TKFC: variants seen among roughly 807,000 people sequenced by gnomAD.
TKFC encodes triokinase and FMN cyclase.
TKFC carries 46 observed loss-of-function variants against 61.0 expected under a neutral mutation model. The ratio of observed to expected loss-of-function variants is 0.75; its 90% CI spans 0.60 to 0.96. The LOEUF (loss-of-function observed/expected upper bound fraction) is 0.96, where lower values mean the gene tolerates loss of function less well. TKFC is among the 50% of genes least tolerant of loss of function. TKFC has a pLI of 0.00. For synonymous variants in TKFC, 314 were observed against 330.1 expected (o/e 0.95, Z 0.53); for missense variants, 715 against 777.5 (o/e 0.92, Z 0.96).
chr11:61,349,797 C>T (rs1590593632), downstream of TKFC: 15 of 622,472 alleles, frequency 2.4e-5, 1 homozygote, highest in South Asian at 2.5e-4. Context: ...CACCCCACCT[C>T]ACATCCAGAT....
At position 61,345,711 on chromosome 11, in the gene TKFC, G is replaced by A; in HGVS notation, c.1452-1G>A. On this transcript the variant is annotated splice_acceptor_variant, in intron 15 of 17. Coordinates refer to ENST00000394900, the MANE Select transcript of TKFC (RefSeq NM_015533.4). LOFTEE classifies it high-confidence loss of function. ...CCTCTTTCACTCTCTTTCCCTGCCA[G>A]GTATGGCAAGGCTGCTCCAGGGGAC... 1 of 1,614,254 alleles carries A rather than the reference G, an allele frequency of 6.2e-7. No homozygotes were observed. Among genetic ancestry groups the A allele is most frequent in the Non-Finnish European group, 8.5e-7 (1 of 1,180,046 alleles).
rs1482614156 is a variant in TKFC at position 61,345,699 on chromosome 11, C to T, written c.1452-13C>T. On this transcript the variant is annotated splice_polypyrimidine_tract_variant and intron_variant, in intron 15 of 17. Coordinates refer to ENST00000394900, the MANE Select transcript of TKFC (RefSeq NM_015533.4). ...CCCTATAGTGAGCCTCTTTCACTCT[C>T]TTTCCCTGCCAGGTATGGCAAGGCT... 28 of 1,614,250 alleles carry T rather than the reference C, an allele frequency of 1.7e-5. No individual in the cohort carries two copies. Among genetic ancestry groups the T allele is most frequent in the Non-Finnish European group, 1.9e-5 (23 of 1,180,040 alleles).
At chr11:61,344,432 C>T (rs370166019) in intron 13 of TKFC, among the ~76,000 whole-genome samples, 159 bp downstream of exon 13, 1 of 142,752 alleles carries the variant, frequency 7.0e-6, no homozygotes, top group Non-Finnish European at 1.5e-5. Context: ...GGTGTGATCT[C>T]GGCTCACTGC....
At chr11:61,343,707 G>C (rs983066064) in intron 11 of TKFC, 149 bp from the exon 12 acceptor site, 1 of 1,199,778 alleles carries the variant, frequency 8.3e-7, no homozygotes, top group Non-Finnish European at 1.2e-6. Context: ...GTATACAGTA[G>C]GCACTCAGTC....
At chr11:61,350,017 A>C, downstream of TKFC, 1 of 475,440 alleles carries the variant, frequency 2.1e-6, no homozygotes, top group Non-Finnish European at 3.8e-6. Context: ...AAGAGCGGCC[A>C]GAGCGAGGAG....
chr11:61,344,148 A>G lies in TKFC; in HGVS notation c.1115A>G (p.Lys372Arg), dbSNP rs1238529289. The change falls in exon 13 of 18, where the codon AAG (lysine) becomes AGG (arginine). Residue 372 changes from lysine to arginine, a missense_variant. Physicochemically the swap from Lys to Arg is conservative, Grantham distance 26. Coordinates refer to ENST00000394900, the MANE Select transcript of TKFC (RefSeq NM_015533.4). ...CCTCCCTTTCTAGGCTCAGCCTCGAAGCGGATGGCGCTGGTGCTGGAACGG... is the reference window on the plus strand; with the variant it reads ...CCTCCCTTTCTAGGCTCAGCCTCGAGGCGGATGGCGCTGGTGCTGGAACGG... ...DSTAAGGSAS[K>R]RMALVLERVC... The G allele has an allele frequency of 6.2e-7, 1 of 1,612,154 alleles. No homozygotes were observed. Among genetic ancestry groups the G allele is most frequent in the Non-Finnish European group, 8.5e-7 (1 of 1,180,002 alleles).
rs1256686739 is a variant in TKFC at position 61,341,423 on chromosome 11, T to C, written c.487-13T>C. 1.7e-5 allele frequency: 26 copies of C among 1,552,172 alleles called. No homozygotes were observed. The highest frequency in any genetic ancestry group is 2.2e-5 in the Non-Finnish European group (25 of 1,147,290). ...CCCTCCCCCCTGGGGCTTTTACCTCTTTGTGGCTGCAGGTGGCAGGTGCTC... is the reference window on the plus strand; with the variant it reads ...CCCTCCCCCCTGGGGCTTTTACCTCCTTGTGGCTGCAGGTGGCAGGTGCTC... On this transcript the variant is annotated splice_polypyrimidine_tract_variant and intron_variant, in intron 5 of 17. Coordinates refer to ENST00000394900, the MANE Select transcript of TKFC (RefSeq NM_015533.4).
chr11:61,344,381 A>G (rs1279495920), intron 13 of TKFC, 108 bp downstream of exon 13: 9 of 856,702 alleles, frequency 1.1e-5, no homozygotes, highest in Non-Finnish European at 1.5e-5. Context: ...TTTTTTTTTT[A>G]AGAAGGAATC....
chr11:61,342,705 G>A (rs1235593475), intron 9 of TKFC, 47 bp downstream of exon 9: 1 of 1,613,622 alleles, frequency 6.2e-7, no homozygotes, highest in South Asian at 1.1e-5. Flanking sequence ...TAAACCTCTG[G>A]GGAGGAGACG....
chr11:61,343,741 T>G, intron 11 of TKFC, 115 bp from the exon 12 acceptor site: 2 of 1,458,718 alleles, frequency 1.4e-6, no homozygotes, highest in Admixed American at 4.0e-5. Flanking sequence ...GTGGACTCCC[T>G]TCCTCCAGGG....
At chr11:61,339,599 A>T in intron 5 of TKFC, 164 bp downstream of exon 5, 2 of 772,922 alleles carry the variant, frequency 2.6e-6, no homozygotes, top group Non-Finnish European at 2.0e-6. Flanking sequence ...CAGCTACCTA[A>T]GCCCAGATAC....
chr11:61,350,411 A>C, downstream of TKFC: 9 of 1,611,430 alleles, frequency 5.6e-6, no homozygotes, highest in Non-Finnish European at 7.6e-6. Flanking sequence ...ACTCCCCATC[A>C]TGCAGCAGGG....
In TKFC at chr11:61,345,663, T is replaced by C. The variant is rs558998695; in HGVS notation, c.1452-49T>C. The C allele has an allele frequency of 2.5e-6, 4 of 1,614,048 alleles. No individual in the cohort carries two copies. In the East Asian group the frequency reaches 8.9e-5, roughly 36 times the overall value. Reference sequence around the variant, plus strand: ...GGCCCTAGCCCAACCCTCAGAGTGATTCCCTTGGTTCCCTATAGTGAGCCT... The same window carrying C: ...GGCCCTAGCCCAACCCTCAGAGTGACTCCCTTGGTTCCCTATAGTGAGCCT... On this transcript the variant is annotated intron_variant, in intron 15 of 17. Transcript: ENST00000394900.
downstream of TKFC, chr11:61,350,731 C>T (rs1857362469): frequency 1.5e-5 from 9 of 599,844 alleles, no homozygotes; most frequent in East Asian, 2.6e-4. Context: ...TAAGGCCACA[C>T]TTCACCCCAC....
Position 61,334,654 on chromosome 11 carries a change from G to C in TKFC, c.-75G>C, listed in dbSNP as rs1015950650. The C allele has an allele frequency of 3.7e-6, 6 of 1,607,694 alleles. No homozygotes were observed. In the African/African-American group the frequency reaches 8.0e-5, roughly 21 times the overall value. ...CTGCCTCCACTGTACTCAGACCCAG[G>C]TAGCACAGGATTGTCCATCCTCCAG... On this transcript the variant is annotated 5_prime_UTR_variant, in exon 2 of 18. Transcript: ENST00000394900.
downstream of TKFC, chr11:61,351,000 G>A (rs114061739): frequency 4.7e-3 from 7,640 of 1,613,348 alleles, 30 homozygotes; most frequent in Middle Eastern, 9.3e-3. Context: ...CCTGTCTGTC[G>A]GTCAGGATCC....
At chr11:61,339,559 C>G in intron 5 of TKFC, 124 bp downstream of exon 5, 2 of 1,150,772 alleles carry the variant, frequency 1.7e-6, no homozygotes, top group South Asian at 1.6e-5. Context: ...CTCCAGTGTT[C>G]CCTGATCTCA....
chr11:61,353,173 C>A (rs1005308822), downstream of TKFC: 10 of 1,559,246 alleles, frequency 6.4e-6, no homozygotes, highest in African/African-American at 1.4e-4. Flanking sequence ...CCCGACTGTG[C>A]TATGTGTGAC....
chr11:61,352,394 G>C (rs1374052777), downstream of TKFC: 1 of 154,450 alleles, frequency 6.5e-6, no homozygotes, highest in Admixed American at 6.3e-5. Flanking sequence ...GGGTGCAGTG[G>C]CTCATGCCTG....
Sources: allele counts gnomAD v4.1 joint callset (sites outside exome capture counted in the v4.1 genomes callset), GRCh38; gene constraint gnomAD v4.1.1; transcripts MANE v1.5; gene names NCBI Gene and HGNC (gene_info 2026-07-23, HGNC 2026-07-21).